C1D: variants seen among roughly 807,000 people sequenced by gnomAD.
The protein encoded by C1D is nuclear nucleic acid-binding protein C1D.
A neutral mutation model predicts 17.5 loss-of-function variants in C1D; 10 were observed. The ratio of observed to expected loss-of-function variants is 0.57; its 90% confidence interval spans 0.35 to 0.97. The LOEUF (loss-of-function observed/expected upper bound fraction) is 0.97, where lower values mean the gene tolerates loss of function less well. C1D is among the 50% of genes least tolerant of loss of function. The pLI is 0.01. For missense variants in C1D, 136 were observed against 160.1 expected, an observed-to-expected ratio of 0.85 and a Z score of 0.81; for synonymous variants, 49 against 54.0, an observed-to-expected ratio of 0.91 and a Z score of 0.40.
At chr2:68,057,296 C>T (rs577594298) in intron 1 of C1D, among the ~76,000 whole-genome samples, 11 of 151,158 alleles carry the variant, frequency 7.3e-5, no homozygotes, top group African/African-American at 2.7e-4. Context: ...GGATTACAGG[C>T]GTCCACCACA....
chr2:68,059,976 T>C (rs1671570079), intron 1 of C1D, among the ~76,000 whole-genome samples: 1 of 152,186 alleles, frequency 6.6e-6, no homozygotes, highest in African/African-American at 2.4e-5. Context: ...CATCTCCACT[T>C]AGATGACTAA....
chr2:68,052,363 A>G (rs1445021276), intron 1 of C1D, among the ~76,000 whole-genome samples: 5 of 152,190 alleles, frequency 3.3e-5, no homozygotes, highest in Admixed American at 3.3e-4. Context: ...CATTTCAAAA[A>G]GCACATATTA....
intron 1 of C1D, among the ~76,000 whole-genome samples, chr2:68,055,384 ACAC>A (rs892778161): frequency 1.3e-4 from 20 of 152,214 alleles, no homozygotes; most frequent in Admixed American, 1.3e-3. Context: ...GAACAAATTA[ACAC>A]CACAAGAAAG....
intron 1 of C1D, among the ~76,000 whole-genome samples, chr2:68,051,411 A>C (rs1040521376): frequency 2.7e-4 from 41 of 152,134 alleles, no homozygotes; most frequent in African/African-American, 9.9e-4. Context: ...TAATCCAAGC[A>C]CTCTGGGAGG....
rs1234556324 is a variant in C1D at position 68,049,657 on chromosome 2, T to C, written c.-9-2338A>G. 2.6e-5 allele frequency among the ~76,000 whole-genome samples: 4 copies of C among 152,324 alleles called. No individual in the cohort carries two copies. In the South Asian group the frequency reaches 6.2e-4, roughly 24 times the overall value. On this transcript the variant is annotated intron_variant, in intron 1 of 4. Transcript: ENST00000410067. ...ACCTTCAAGAAACAGTTAACTCCTA[T>C]GGTATTTAGCTGTTTAAGAATACAG...
At chr2:68,057,575 G>A (rs190567973) in intron 1 of C1D, among the ~76,000 whole-genome samples, 1 of 152,184 alleles carries the variant, frequency 6.6e-6, no homozygotes, top group African/African-American at 2.4e-5. Flanking sequence ...TCACTTCTGG[G>A]AAACAAAAAG....
Position 68,062,998 on chromosome 2 carries a change from C to G in C1D, c.-50G>C, listed in dbSNP as rs1232128317. 1 of 152,386 alleles carries G rather than the reference C, an allele frequency of 6.6e-6. No homozygotes were observed. The highest frequency in any genetic ancestry group is 2.4e-5 in the African/African-American group (1 of 41,566). The allele number at this position is 152,386 out of a possible 1,614,324, so 9.4% of individuals were successfully genotyped here. ...TCCAGTCTCCCGGAAAGCGGTCGGGCAACGATGACGACAATGACGCGCCGG... is the reference window on the plus strand; with the variant it reads ...TCCAGTCTCCCGGAAAGCGGTCGGGGAACGATGACGACAATGACGCGCCGG... On this transcript the variant is annotated 5_prime_UTR_variant, in exon 1 of 5. Coordinates refer to ENST00000410067, the MANE Select transcript of C1D (RefSeq NM_173177.3).
intron 1 of C1D, among the ~76,000 whole-genome samples, chr2:68,055,408 T>G (rs1331883721): frequency 6.6e-6 from 1 of 151,014 alleles, no homozygotes; most frequent in Non-Finnish European, 1.5e-5. Flanking sequence ...CAAACAAATA[T>G]GGAGTGAGAA....
chr2:68,042,836 G>GGGGA lies in C1D; in HGVS notation c.*52_*53insTCCC. 1 of 260,014 alleles carries GGGGA rather than the reference G, an allele frequency of 3.8e-6. No homozygotes were observed. The highest frequency in any genetic ancestry group is 6.3e-6 in the Non-Finnish European group (1 of 158,422). 16.1% of individuals were successfully genotyped at this position (260,014 alleles called of 1,614,324 possible). ...GCCACAGAATTATTTTGCGGGGGGG[G>GGGGA]GGGGGGGGGGGAAGATGTACTTTTT... On this transcript the variant is annotated 3_prime_UTR_variant, in exon 5 of 5. Coordinates refer to ENST00000410067, the MANE Select transcript of C1D (RefSeq NM_173177.3).
Position 68,053,245 on chromosome 2 carries a change from G to A in C1D, c.-9-5926C>T, listed in dbSNP as rs952509253. On this transcript the variant is annotated intron_variant, in intron 1 of 4. Coordinates refer to ENST00000410067, the MANE Select transcript of C1D (RefSeq NM_173177.3). The stretch of plus-strand genomic sequence containing the variant: ...ACCTGGGTTGCGGGGATGCTGCCCA[G>A]TAACCCTAACAGATGTTACTGCCAC... 32 of 1,532,546 alleles carry A rather than the reference G, an allele frequency of 2.1e-5. No homozygotes were observed. In the Admixed American group the frequency reaches 3.6e-4, roughly 17 times the overall value. The allele number at this position is 1,532,546 out of a possible 1,614,324, so 94.9% of individuals were successfully genotyped here.
At chr2:68,052,094 TA>T (rs1237086309) in intron 1 of C1D, among the ~76,000 whole-genome samples, 5 of 152,112 alleles carry the variant, frequency 3.3e-5, no homozygotes, top group African/African-American at 1.2e-4. Flanking sequence ...ACATGTCTTC[TA>T]AAAATAAAGA....
intron 1 of C1D, among the ~76,000 whole-genome samples, chr2:68,062,638 T>C (rs1006559020): frequency 1.3e-5 from 2 of 152,208 alleles, no homozygotes; most frequent in African/African-American, 4.8e-5. Context: ...TGATTTTTGT[T>C]TTTAATTTCT....
chr2:68,046,715 CTTTG>C (rs1342925834), intron 2 of C1D: 4 of 329,532 alleles, frequency 1.2e-5, no homozygotes, highest in Non-Finnish European at 1.7e-5. Flanking sequence ...ACGATCTGGG[CTTTG>C]TAAGTCAAAA....
chr2:68,052,094 T>TAAAAAAAAAA (rs1237086309), intron 1 of C1D, among the ~76,000 whole-genome samples: 1 of 151,992 alleles, frequency 6.6e-6, no homozygotes, highest in Admixed American at 6.6e-5. Context: ...ACATGTCTTC[T>TAAAAAAAAAA]AAAAATAAAG....
At chr2:68,056,297 G>A (rs372250465) in intron 1 of C1D, among the ~76,000 whole-genome samples, 7 of 151,932 alleles carry the variant, frequency 4.6e-5, no homozygotes, top group Non-Finnish European at 8.8e-5. Context: ...GAGAGACGGG[G>A]TTTCACCATG....
At chr2:68,061,115 T>A (rs1035128549) in intron 1 of C1D, among the ~76,000 whole-genome samples, 3 of 152,200 alleles carry the variant, frequency 2.0e-5, no homozygotes, top group East Asian at 3.8e-4. Flanking sequence ...AAATCCAACA[T>A]GATTGTTTTT....
intron 1 of C1D, among the ~76,000 whole-genome samples, chr2:68,060,661 G>A (rs1391864360): frequency 6.6e-6 from 1 of 151,792 alleles, no homozygotes; most frequent in African/African-American, 2.4e-5. Context: ...GGCGAGATGG[G>A]GTGGGGCAGG....
At chr2:68,062,800 C>T (rs963455184) in intron 1 of C1D, 158 bp downstream of exon 1, 14 of 152,360 alleles carry the variant, frequency 9.2e-5, no homozygotes, top group African/African-American at 3.4e-4. Context: ...CAATGCTGCC[C>T]CAACGAAGAG....
At chr2:68,056,291 G>C (rs1671435448) in intron 1 of C1D, among the ~76,000 whole-genome samples, 1 of 151,958 alleles carries the variant, frequency 6.6e-6, no homozygotes, top group Non-Finnish European at 1.5e-5. Flanking sequence ...TTTTAGGAGA[G>C]ACGGGGTTTC....
Sources: allele counts gnomAD v4.1 joint callset (sites outside exome capture counted in the v4.1 genomes callset), GRCh38; gene constraint gnomAD v4.1.1; transcripts MANE v1.5; gene names NCBI Gene and HGNC (gene_info 2026-07-23, HGNC 2026-07-21).